Variants in RANBP3 observed in about 807,000 individuals in gnomAD.
RANBP3 encodes the protein RAN binding protein 3, also known as ran-binding protein 3.
A neutral mutation model predicts 77.3 loss-of-function variants in RANBP3; 14 were observed. The observed-to-expected ratio is 0.18, with a 90% CI of 0.12 to 0.28. RANBP3 has a LOEUF of 0.28. RANBP3 is among the 10% of genes least tolerant of loss of function. The pLI is 1.00. For synonymous variants in RANBP3, 315 were observed against 312.4 expected (o/e 1.01, Z -0.09); for missense variants, 586 against 752.3 (o/e 0.78, Z 2.59).
At chr19:5,964,848 A>AGGGGGG (rs1327034714) in intron 1 of RANBP3, among the ~76,000 whole-genome samples, 1 of 4,726 alleles carries the variant, frequency 2.1e-4, no homozygotes, top group Non-Finnish European at 4.2e-4. Context: ...TGGAGGTGGT[A>AGGGGGG]GGGTGGGGGG....
At chr19:5,957,587 A>G (rs995814146) in intron 2 of RANBP3, among the ~76,000 whole-genome samples, 1 of 106,748 alleles carries the variant, frequency 9.4e-6, no homozygotes, top group African/African-American at 3.6e-5. Flanking sequence ...TTTGCCCCCT[A>G]CTGTCCCTCT....
At position 5,952,669 on chromosome 19, in the gene RANBP3, T is replaced by C. The variant is rs1029945591; in HGVS notation, c.79-1073A>G. 2.6e-5 allele frequency among the ~76,000 whole-genome samples: 4 copies of C among 152,172 alleles called. No homozygotes were observed. The highest frequency in any genetic ancestry group is 5.9e-5 in the Non-Finnish European group (4 of 68,038). ...TCTTGGGTGTGAAGTGGCTGACCTCTTTAGACGGGGTTTGGGCACTACTTA... is the reference window on the plus strand; with the variant it reads ...TCTTGGGTGTGAAGTGGCTGACCTCCTTAGACGGGGTTTGGGCACTACTTA... On this transcript the variant is annotated intron_variant, in intron 2 of 16. Transcript: ENST00000340578. This position sits in a 1 kb window ranked among gnomAD's most constrained non-coding sequence, Gnocchi z 4.1.
chr19:5,938,912 C>T (rs1390418047), intron 5 of RANBP3, among the ~76,000 whole-genome samples: 5 of 151,480 alleles, frequency 3.3e-5, no homozygotes, highest in Admixed American at 3.3e-4. Flanking sequence ...GGGCCAGGTG[C>T]GGTGGCTCAT....
intron 2 of RANBP3, among the ~76,000 whole-genome samples, chr19:5,957,560 C>T (rs34831649): frequency 0.097 from 14,417 of 148,828 alleles, 933 homozygotes; most frequent in African/African-American, 0.17. Context: ...GACTCCCTCC[C>T]CACCTTCCCT....
Position 5,948,501 on chromosome 19 carries a change from C to T in RANBP3, c.282+2892G>A, listed in dbSNP as rs190158555. Among the ~76,000 whole-genome samples, 260 of 151,642 alleles carry T rather than the reference C, an allele frequency of 1.7e-3. 3 individuals carry two copies. Among genetic ancestry groups the T allele is most frequent in the South Asian group, 0.014 (68 of 4,764 alleles). On this transcript the variant is annotated intron_variant, in intron 3 of 16. Transcript: ENST00000340578. Reference sequence around the variant, plus strand: ...TCCCCCTAGAAAACTGGCAACCAAGCGGTGTACCAGGGCCTCAGTGAGTCT... The same window carrying T: ...TCCCCCTAGAAAACTGGCAACCAAGTGGTGTACCAGGGCCTCAGTGAGTCT...
chr19:5,925,963 C>T (rs376335348), intron 9 of RANBP3, among the ~76,000 whole-genome samples: 29 of 152,234 alleles, frequency 1.9e-4, no homozygotes, highest in African/African-American at 5.1e-4. Flanking sequence ...TCATGAAGCT[C>T]CAAGGAGCCT....
chr19:5,943,801 T>C (rs2058169070), intron 3 of RANBP3, among the ~76,000 whole-genome samples: 1 of 152,188 alleles, frequency 6.6e-6, no homozygotes, highest in Admixed American at 6.5e-5. Flanking sequence ...CACAAAATCC[T>C]TGTAACACAA....
At position 5,932,418 on chromosome 19, in the gene RANBP3, T is replaced by C. The variant is rs201812110; in HGVS notation, c.565+34A>G. 41 of 1,591,454 alleles carry C rather than the reference T, an allele frequency of 2.6e-5. No individual in the cohort carries two copies. The African/African-American group carries it at 5.2e-4, about 20-fold the overall frequency. ...ACTTCGGGAACGCTCTACCCTGCCG[T>C]CTGGGCCTGGGCGCCAGGGCTGCTG... is the stretch of plus-strand genomic sequence containing the variant. On this transcript the variant is annotated intron_variant, in intron 7 of 16. Coordinates refer to ENST00000340578, the MANE Select transcript of RANBP3 (RefSeq NM_007322.3).
chr19:5,973,769 A>G (rs1401624793), intron 1 of RANBP3, among the ~76,000 whole-genome samples: 1 of 152,256 alleles, frequency 6.6e-6, no homozygotes, highest in African/African-American at 2.4e-5. Context: ...GTTTATTACT[A>G]TGAGCAGAGA....
intron 12 of RANBP3, 149 bp downstream of exon 12, chr19:5,923,662 CA>C (rs2057859030): frequency 3.1e-6 from 2 of 648,388 alleles, no homozygotes; most frequent in African/African-American, 3.7e-5. Context: ...TTGCTCACTG[CA>C]AGGCAGGGCC....
At chr19:5,938,766 GA>G (rs1359408216) in intron 5 of RANBP3, among the ~76,000 whole-genome samples, 1 of 152,170 alleles carries the variant, frequency 6.6e-6, no homozygotes, top group African/African-American at 2.4e-5. Context: ...ATTAATGTGA[GA>G]ATGCACAAAA....
Position 5,932,455 on chromosome 19 carries a change from T to C in RANBP3, c.562A>G (p.Thr188Ala), listed in dbSNP as rs774045877. ...CGCCAGGGCTGCTGTTTCTTACCAGTCTGGGACAGCGCCTTTGGCTGCGGA... is the reference window on the plus strand; with the variant it reads ...CGCCAGGGCTGCTGTTTCTTACCAGCCTGGGACAGCGCCTTTGGCTGCGGA... The part of the protein sequence containing the change: ...QAPQPKALSQ[T>A]VPSSGTNGVS... Residue 188 changes from threonine (T) to alanine (A), a missense_variant, in exon 7 of 17, where the codon ACT (threonine) becomes GCT (alanine). This residue lies in a region of RANBP3 where 232 missense variants were observed against 271.7 expected (regional missense o/e 0.85). Transcript: ENST00000340578. 3.7e-6 allele frequency: 6 copies of C among 1,613,614 alleles called. No homozygotes were observed. Among genetic ancestry groups the C allele is most frequent in the Non-Finnish European group, 5.1e-6 (6 of 1,179,904 alleles).
chr19:5,926,466 G>A (rs142232649), intron 9 of RANBP3, among the ~76,000 whole-genome samples: 7 of 152,206 alleles, frequency 4.6e-5, no homozygotes, highest in Non-Finnish European at 7.4e-5. Context: ...CAGGAGAATC[G>A]CTTGAACCCA....
chr19:5,936,389 G>T (rs1394500940), intron 5 of RANBP3, among the ~76,000 whole-genome samples: 2 of 151,954 alleles, frequency 1.3e-5, no homozygotes, highest in Non-Finnish European at 1.5e-5. Context: ...TGTGGACAAA[G>T]GTGTGTCCCC....
Position 5,958,236 on chromosome 19 carries a change from G to C in RANBP3, c.23-263C>G, listed in dbSNP as rs2058358664. Among the ~76,000 whole-genome samples the C allele has an allele frequency of 6.6e-6, 1 of 152,232 alleles. No individual in the cohort carries two copies. The highest frequency in any genetic ancestry group is 2.4e-5 in the African/African-American group (1 of 41,468). On this transcript the variant is annotated intron_variant, in intron 1 of 16. Transcript: ENST00000340578. This position sits in a 1 kb window ranked among gnomAD's most constrained non-coding sequence, Gnocchi z 4.4. Reference sequence around the variant, plus strand: ...ATAAGGAGTTTTCAAGACTCACTGAGAGCGGGCGTGTAAATGGGAGTGGGA... The same window carrying C: ...ATAAGGAGTTTTCAAGACTCACTGACAGCGGGCGTGTAAATGGGAGTGGGA...
chr19:5,971,337 CT>C lies in RANBP3; in HGVS notation c.22+6723del, dbSNP rs974182825. Among the ~76,000 whole-genome samples, 65 of 149,252 alleles carry C rather than the reference CT, an allele frequency of 4.4e-4. 2 individuals carry two copies. Among genetic ancestry groups the C allele is most frequent in the African/African-American group, 1.4e-3 (56 of 40,740 alleles). On this transcript the variant is annotated intron_variant, in intron 1 of 16. Transcript: ENST00000340578. The stretch of plus-strand genomic sequence containing the variant: ...AATAGAAGATAGCTGAATTCTCTCT[CT>C]TTTTTTTTTATTAAAGAGAGGGGCT...
chr19:5,919,410 G>A (rs943040422), intron 14 of RANBP3, among the ~76,000 whole-genome samples: 1 of 152,210 alleles, frequency 6.6e-6, no homozygotes, highest in African/African-American at 2.4e-5. Flanking sequence ...CTGAGCCCAG[G>A]TGCCCACCTC....
intron 5 of RANBP3, among the ~76,000 whole-genome samples, chr19:5,940,880 A>AGGAGGCC (rs1370519607): frequency 1.3e-5 from 2 of 152,228 alleles, no homozygotes; most frequent in African/African-American, 2.4e-5. Context: ...TGCCCATGGC[A>AGGAGGCC]GGAGGCCGGG....
At chr19:5,941,185 T>A (rs575238913) in intron 5 of RANBP3, among the ~76,000 whole-genome samples, 15 of 152,268 alleles carry the variant, frequency 9.9e-5, no homozygotes, top group South Asian at 6.2e-4. Context: ...TGTGTGTACA[T>A]GCGTGTGTGT....
Sources: allele counts gnomAD v4.1 joint callset (sites outside exome capture counted in the v4.1 genomes callset), GRCh38; gene constraint gnomAD v4.1.1; regional missense constraint gnomAD v4.1.1; non-coding constraint Gnocchi (gnomAD v3.1); transcripts MANE v1.5; gene names NCBI Gene and HGNC (gene_info 2026-07-23, HGNC 2026-07-21).